Variants in DLG2 observed in about 807,000 individuals in gnomAD.
The protein encoded by DLG2 is disks large homolog 2.
In DLG2, 45 loss-of-function variants were observed where a neutral mutation model predicts 132.5. The ratio of observed to expected loss-of-function variants is 0.34; its 90% CI spans 0.27 to 0.44. DLG2 has a LOEUF of 0.44. DLG2 is among the 20% of genes least tolerant of loss of function. The pLI is 1.00. For synonymous variants in DLG2, 424 were observed against 419.6 expected (o/e 1.01, Z -0.13); for missense variants, 1,045 against 1,196.9 (o/e 0.87, Z 1.87).
chr11:84,223,589 C>A (rs955292570), intron 8 of DLG2, among the ~76,000 whole-genome samples: 1 of 148,696 alleles, frequency 6.7e-6, no homozygotes, highest in Admixed American at 6.7e-5. Context: ...CAGAGTCTCA[C>A]TCTGTCATCC....
intron 16 of DLG2, among the ~76,000 whole-genome samples, chr11:83,841,336 G>A (rs886208577): frequency 1.3e-5 from 2 of 152,168 alleles, no homozygotes; most frequent in Non-Finnish European, 2.9e-5. Context: ...TATTGCTGAA[G>A]GCTCTGTTAC....
chr11:83,788,713 G>A (rs1436400100), intron 17 of DLG2, among the ~76,000 whole-genome samples: 3 of 152,170 alleles, frequency 2.0e-5, no homozygotes, highest in Non-Finnish European at 4.4e-5. Context: ...TTGTCAAACA[G>A]TTAAGGTTTA....
intron 15 of DLG2, among the ~76,000 whole-genome samples, chr11:83,884,324 C>T (rs1218097062): frequency 1.3e-5 from 2 of 152,188 alleles, no homozygotes; most frequent in Non-Finnish European, 2.9e-5. Context: ...CCTACGCCCA[C>T]AGAGTCTCAC....
intron 7 of DLG2, among the ~76,000 whole-genome samples, chr11:84,370,869 A>G (rs1305381856): frequency 1.3e-5 from 2 of 152,174 alleles, no homozygotes; most frequent in Non-Finnish European, 2.9e-5. Flanking sequence ...AGCACATACT[A>G]ATAAAGACCA....
intron 6 of DLG2, among the ~76,000 whole-genome samples, chr11:84,589,857 G>T (rs2099538728): frequency 6.6e-6 from 1 of 152,132 alleles, no homozygotes; most frequent in Non-Finnish European, 1.5e-5. Context: ...TACCAAGACG[G>T]AATTTATTTT....
chr11:84,130,244 C>T (rs2094357188), intron 9 of DLG2, among the ~76,000 whole-genome samples: 1 of 151,810 alleles, frequency 6.6e-6, no homozygotes, highest in Non-Finnish European at 1.5e-5. Flanking sequence ...GTAAGTCAAC[C>T]TATGACGTTC....
At chr11:85,201,790 T>C (rs763715312) in intron 4 of DLG2, among the ~76,000 whole-genome samples, 1 of 152,154 alleles carries the variant, frequency 6.6e-6, no homozygotes, top group Non-Finnish European at 1.5e-5. Context: ...AGATGTGTGA[T>C]CTCTCAGACA....
chr11:85,399,671 T>C (rs575345491), intron 3 of DLG2, among the ~76,000 whole-genome samples: 1 of 151,888 alleles, frequency 6.6e-6, no homozygotes, highest in Non-Finnish European at 1.5e-5. Flanking sequence ...AGAAAAACAA[T>C]CAATGGGGAA....
At chr11:85,078,423 G>C (rs963274557) in intron 6 of DLG2, among the ~76,000 whole-genome samples, 1 of 151,788 alleles carries the variant, frequency 6.6e-6, no homozygotes, top group Admixed American at 6.6e-5. Context: ...TGAGGTAGGA[G>C]CAAGTCTGAA....
At chr11:83,711,040 C>T (rs537820197) in intron 18 of DLG2, among the ~76,000 whole-genome samples, 1 of 152,248 alleles carries the variant, frequency 6.6e-6, no homozygotes, top group South Asian at 2.1e-4. Flanking sequence ...GGTTAGGTGA[C>T]ACACCTAAGG....
intron 9 of DLG2, among the ~76,000 whole-genome samples, chr11:84,105,229 G>A (rs968622550): frequency 2.6e-5 from 4 of 152,088 alleles, no homozygotes; most frequent in Non-Finnish European, 2.9e-5. Flanking sequence ...AAAGTGATAC[G>A]GTTTAGTGGA....
At chr11:85,495,973 C>A (rs1383409678) in intron 3 of DLG2, among the ~76,000 whole-genome samples, 1 of 152,160 alleles carries the variant, frequency 6.6e-6, no homozygotes, top group Non-Finnish European at 1.5e-5. Context: ...CTACAGCTCC[C>A]AGTGAGATCG....
intron 15 of DLG2, among the ~76,000 whole-genome samples, chr11:83,883,830 A>G (rs1394567039): frequency 6.6e-6 from 1 of 152,080 alleles, no homozygotes; most frequent in African/African-American, 2.4e-5. Flanking sequence ...CTTTCCCCAC[A>G]GACCATTCTT....
At chr11:84,488,753 A>T (rs2154495294) in intron 7 of DLG2, among the ~76,000 whole-genome samples, 1 of 152,256 alleles carries the variant, frequency 6.6e-6, no homozygotes, top group South Asian at 2.1e-4. Context: ...CGAGGTGAAG[A>T]AAGATGACTG....
intron 11 of DLG2, among the ~76,000 whole-genome samples, chr11:84,014,009 T>C (rs1289183049): frequency 6.6e-6 from 1 of 152,072 alleles, no homozygotes; most frequent in Non-Finnish European, 1.5e-5. Context: ...ATCTTCACAA[T>C]GCTCTGCAAA....
At chr11:84,280,844 G>T (rs2097846671) in intron 7 of DLG2, among the ~76,000 whole-genome samples, 1 of 149,532 alleles carries the variant, frequency 6.7e-6, no homozygotes, top group Admixed American at 6.7e-5. Context: ...GGAACTAGAG[G>T]CGCCTGCCAC....
At chr11:85,092,217 G>A (rs552577334) in intron 6 of DLG2, among the ~76,000 whole-genome samples, 101 of 151,706 alleles carry the variant, frequency 6.7e-4, no homozygotes, top group African/African-American at 2.4e-3. Context: ...TTTTGAAAGA[G>A]ATCTTTTTTT....
chr11:84,868,442 AC>A (rs1418155332), intron 6 of DLG2, among the ~76,000 whole-genome samples: 1 of 152,152 alleles, frequency 6.6e-6, no homozygotes, highest in Non-Finnish European at 1.5e-5. Context: ...AAACAAACAA[AC>A]TGGGATTCAA....
intron 3 of DLG2, among the ~76,000 whole-genome samples, chr11:85,489,049 A>C (rs1011072186): frequency 6.6e-6 from 1 of 152,172 alleles, no homozygotes; most frequent in African/African-American, 2.4e-5. Flanking sequence ...AAAATTAACA[A>C]CATGACAAAG....
Sources: gnomAD v4.1 joint callset for allele counts (sites outside exome capture counted in the v4.1 genomes callset) on GRCh38, gnomAD v4.1.1 for gene constraint, MANE v1.5 for transcripts, NCBI Gene and HGNC (gene_info 2026-07-23, HGNC 2026-07-21) for gene names.